Variants in ARFGAP3 observed in about 807,000 individuals in gnomAD.
ARFGAP3 encodes ARF GTPase activating protein 3.
In ARFGAP3, 72 loss-of-function variants were observed where a neutral mutation model predicts 75.0. The observed-to-expected ratio is 0.96, with a 90% CI of 0.79 to 1.17. ARFGAP3 has a LOEUF of 1.17. Among genes scored for constraint, ARFGAP3 ranks in the 50% most tolerant of loss-of-function variants. The pLI is 0.00. For synonymous variants in ARFGAP3, 221 were observed against 217.9 expected, an observed-to-expected ratio of 1.01 and a Z score of -0.13; for missense variants, 620 against 626.6, an observed-to-expected ratio of 0.99 and a Z score of 0.11.
At chr22:42,834,214 T>C (rs1212631663) in intron 5 of ARFGAP3, 28 bp downstream of exon 5, 1 of 1,604,060 alleles carries the variant, frequency 6.2e-7, no homozygotes, top group South Asian at 1.1e-5. Context: ...TAAGCACACT[T>C]TAAAATGATG....
rs146189450 is a variant in ARFGAP3 at position 42,826,141 on chromosome 22, C to T, written c.625+799G>A. Among the ~76,000 whole-genome samples the T allele has an allele frequency of 2.0e-4, 31 of 152,264 alleles. No individual in the cohort carries two copies. The East Asian group carries it at 5.8e-3, about 28-fold the overall frequency. On this transcript the variant is annotated intron_variant, in intron 7 of 15. Transcript: ENST00000263245. ...GTTTAGTTATTTTTCACCAAAGCAG[C>T]TGCTTTCCAACTAATGCAATGGAAT...
At chr22:42,837,668 C>A (rs1602121652) in intron 3 of ARFGAP3, among the ~76,000 whole-genome samples, 1 of 103,802 alleles carries the variant, frequency 9.6e-6, no homozygotes, top group African/African-American at 4.7e-5. Flanking sequence ...ACATCTAAGG[C>A]ATACTTCTTT....
In ARFGAP3 at chr22:42,799,058, C is replaced by A; in HGVS notation, c.1514G>T (p.Gly505Val). ...ACTGACCTGAATTGAAGTCACGACTCCATTAGCAAAGACGGAGAGTTTTCC... is the reference window on the plus strand; with the variant it reads ...ACTGACCTGAATTGAAGTCACGACTACATTAGCAAAGACGGAGAGTTTTCC... ...VAGKLSVFAN[G>V]VVTSIQDRYG... The change falls in exon 15 of 16, where the codon GGA (glycine) becomes GTA (valine). Residue 505 changes from glycine to valine, a missense_variant. Coordinates refer to ENST00000263245, the MANE Select transcript of ARFGAP3 (RefSeq NM_014570.5). The A allele has an allele frequency of 6.2e-7, 1 of 1,614,184 alleles. No individual in the cohort carries two copies. The highest frequency in any genetic ancestry group is 8.5e-7 in the Non-Finnish European group (1 of 1,180,034).
chr22:42,834,861 T>A (rs1422241807), intron 4 of ARFGAP3, among the ~76,000 whole-genome samples: 1 of 152,200 alleles, frequency 6.6e-6, no homozygotes, highest in Non-Finnish European at 1.5e-5. Flanking sequence ...CATATTCCCA[T>A]GCTTTTTATT....
chr22:42,824,288 T>C (rs551990529), intron 7 of ARFGAP3, among the ~76,000 whole-genome samples: 56 of 151,070 alleles, frequency 3.7e-4, no homozygotes, highest in Admixed American at 1.1e-3. Flanking sequence ...AGTGCTGAAA[T>C]TATGAGTATG....
intron 14 of ARFGAP3, among the ~76,000 whole-genome samples, chr22:42,799,581 C>T (rs1924766027): frequency 6.6e-6 from 1 of 152,328 alleles, no homozygotes; most frequent in East Asian, 1.9e-4. Context: ...AGTACTCCTC[C>T]CTTCCTCCAG....
At chr22:42,818,938 G>A (rs1022076775) in intron 9 of ARFGAP3, among the ~76,000 whole-genome samples, 6 of 150,964 alleles carry the variant, frequency 4.0e-5, no homozygotes, top group African/African-American at 1.2e-4. Flanking sequence ...TCAGCCTCCC[G>A]AGTAGCTGGG....
rs533491394 is a variant in ARFGAP3 at position 42,814,420 on chromosome 22, G to A, written c.1064+2722C>T. On this transcript the variant is annotated intron_variant, in intron 11 of 15. Coordinates refer to ENST00000263245, the MANE Select transcript of ARFGAP3 (RefSeq NM_014570.5). ...GTTCCTATTAGACAATCTGCAGGTC[G>A]TGATAAACAATACACCAAGGTCTCT... Among the ~76,000 whole-genome samples, 6 of 152,324 alleles carry A rather than the reference G, an allele frequency of 3.9e-5. 1 individual carries two copies. The highest frequency in any genetic ancestry group is 4.1e-4 in the South Asian group (2 of 4,834).
chr22:42,810,766 G>T, intron 12 of ARFGAP3, 47 bp downstream of exon 12: 1 of 1,544,430 alleles, frequency 6.5e-7, no homozygotes, highest in South Asian at 1.2e-5. Flanking sequence ...TTTTTTCCCA[G>T]AAATGCATGG....
chr22:42,817,036 TG>T (rs961610040), intron 11 of ARFGAP3, 105 bp downstream of exon 11: 2 of 831,570 alleles, frequency 2.4e-6, no homozygotes, highest in Non-Finnish European at 3.9e-6. Context: ...TTAAAAACAG[TG>T]AAGTAAATTG....
In ARFGAP3 at chr22:42,808,837, G is replaced by T; in HGVS notation, c.1250C>A (p.Ala417Asp). The T allele has an allele frequency of 6.2e-7, 1 of 1,613,412 alleles. No homozygotes were observed. Among genetic ancestry groups the T allele is most frequent in the East Asian group, 2.2e-5 (1 of 44,866 alleles). The stretch of plus-strand genomic sequence containing the variant: ...CTTGACATTGCCAAACTTCTTCTGG[G>T]CCTCATCTGTATTTTCAACTGGCTC... ...DYEPVENTDE[A>D]QKKFGNVKAI... is the part of the protein sequence containing the mutation. The change falls in exon 13 of 16, where the codon GCC (alanine) becomes GAC (aspartate). Residue 417 changes from alanine to aspartate, a missense_variant. Ala to Asp is a moderately radical substitution (Grantham distance 126, BLOSUM62 -2). Transcript: ENST00000263245.
intron 1 of ARFGAP3, among the ~76,000 whole-genome samples, chr22:42,854,986 T>G (rs962299734): frequency 1.3e-5 from 2 of 152,254 alleles, no homozygotes; most frequent in African/African-American, 4.8e-5. Context: ...TTCTTCATCA[T>G]AAAAACAGCT....
chr22:42,809,000 A>T, intron 12 of ARFGAP3, 110 bp from the exon 13 acceptor site: 1 of 1,265,360 alleles, frequency 7.9e-7, no homozygotes, highest in Non-Finnish European at 1.0e-6. Flanking sequence ...TTGTAAAAGG[A>T]TTTTAGGCTG....
intron 10 of ARFGAP3, 115 bp downstream of exon 10, chr22:42,817,614 T>A: frequency 1.1e-6 from 1 of 898,226 alleles, no homozygotes; most frequent in Non-Finnish European, 1.7e-6. Flanking sequence ...ATTAGAGAAG[T>A]TAATGAATAA....
chr22:42,841,042 GTT>G, intron 2 of ARFGAP3, 26 bp from the exon 3 acceptor site: 1 of 1,606,078 alleles, frequency 6.2e-7, no homozygotes, highest in Non-Finnish European at 8.5e-7. Context: ...ATTACTAACT[GTT>G]AATATTTTTT....
At chr22:42,831,187 T>C (rs969980113) in intron 6 of ARFGAP3, among the ~76,000 whole-genome samples, 3 of 150,512 alleles carry the variant, frequency 2.0e-5, no homozygotes, top group East Asian at 3.9e-4. Flanking sequence ...CTAGGGAGGC[T>C]GAGGCAGGAG....
chr22:42,806,873 T>C lies in ARFGAP3; in HGVS notation c.1411+200A>G, dbSNP rs553076020. ...GATGACTTGCCAGGCAATGATGGGA[T>C]GTTGCTTTAATTTCATGACTTGGTC... On this transcript the variant is annotated intron_variant, in intron 14 of 15. Coordinates refer to ENST00000263245, the MANE Select transcript of ARFGAP3 (RefSeq NM_014570.5). Among the ~76,000 whole-genome samples the C allele has an allele frequency of 1.1e-4, 16 of 152,362 alleles. No individual in the cohort carries two copies. The East Asian group carries it at 3.1e-3, about 29-fold the overall frequency.
At position 42,857,210 on chromosome 22, in the gene ARFGAP3, G is replaced by A. The variant is rs777958415; in HGVS notation, c.-28C>T. On this transcript the variant is annotated 5_prime_UTR_variant, in exon 1 of 16. Coordinates refer to ENST00000263245, the MANE Select transcript of ARFGAP3 (RefSeq NM_014570.5). ...TCAGCTGTGAGCCGCGGCGCAGCTG[G>A]CCCAGCCAACCGGTAAGAGTCGACG... is the stretch of plus-strand genomic sequence containing the variant. 14 of 1,504,486 alleles carry A rather than the reference G, an allele frequency of 9.3e-6. No homozygotes were observed. The South Asian group carries it at 1.6e-4, about 17-fold the overall frequency. The allele number at this position is 1,504,486 out of a possible 1,614,324, so 93.2% of individuals were successfully genotyped here.
In ARFGAP3 at chr22:42,817,029, A is replaced by G. The variant is rs374197310; in HGVS notation, c.1064+113T>C. The G allele has an allele frequency of 2.2e-5, 18 of 813,364 alleles. No homozygotes were observed. In the East Asian group the frequency reaches 3.2e-4, roughly 14 times the overall value. 50.4% of individuals were successfully genotyped at this position (813,364 alleles called of 1,614,324 possible). ...GCTCTGGCTCCAGCCAGAGCTTTTA[A>G]AAACAGTGAAGTAAATTGATTTGTA... On this transcript the variant is annotated intron_variant, in intron 11 of 15. Coordinates refer to ENST00000263245, the MANE Select transcript of ARFGAP3 (RefSeq NM_014570.5).
Sources: gnomAD v4.1 joint callset for allele counts (sites outside exome capture counted in the v4.1 genomes callset) on GRCh38, gnomAD v4.1.1 for gene constraint, MANE v1.5 for transcripts, NCBI Gene and HGNC (gene_info 2026-07-23, HGNC 2026-07-21) for gene names.